GRIN3A: variants seen among roughly 807,000 people sequenced by gnomAD.
GRIN3A encodes the protein glutamate receptor ionotropic, NMDA 3A.
A neutral mutation model predicts 92.4 loss-of-function variants in GRIN3A; 47 were observed. The observed-to-expected ratio is 0.51, with a 90% CI of 0.40 to 0.65. The LOEUF (loss-of-function observed/expected upper bound fraction) is 0.65. Ranked by LOEUF, GRIN3A falls within the 30% of genes least tolerant of loss-of-function variation. The probability of loss-of-function intolerance (pLI) is 0.00; values close to 1 mark genes in which losing one functional copy is unlikely to be tolerated. For missense variants in GRIN3A, 1,324 were observed against 1,393.1 expected (o/e 0.95, Z 0.79); for synonymous variants, 527 against 540.6 (o/e 0.97, Z 0.35).
chr9:101,701,238 G>T (rs1829748090), intron 1 of GRIN3A, among the ~76,000 whole-genome samples: 1 of 152,080 alleles, frequency 6.6e-6, no homozygotes, highest in Non-Finnish European at 1.5e-5. Context: ...TTAGGTTCAG[G>T]GCTACATGTG....
chr9:101,596,809 A>AT (rs1331413280), intron 6 of GRIN3A, among the ~76,000 whole-genome samples: 2 of 152,240 alleles, frequency 1.3e-5, no homozygotes, highest in African/African-American at 2.4e-5. Flanking sequence ...GAAGAGCTGA[A>AT]TGATTCAGTC....
chr9:101,648,857 TG>T (rs1185875398), intron 3 of GRIN3A, among the ~76,000 whole-genome samples: 1 of 151,998 alleles, frequency 6.6e-6, no homozygotes, highest in East Asian at 1.9e-4. Context: ...TGTTGTTTGG[TG>T]GTGTTAGAAC....
intron 3 of GRIN3A, among the ~76,000 whole-genome samples, chr9:101,651,449 C>G (rs10989581): frequency 1.3e-5 from 2 of 151,654 alleles, no homozygotes; most frequent in Admixed American, 1.3e-4. Flanking sequence ...ACTAACATAC[C>G]TTTTTGATAC....
At chr9:101,658,806 A>G (rs961592498) in intron 3 of GRIN3A, among the ~76,000 whole-genome samples, 1 of 144,374 alleles carries the variant, frequency 6.9e-6, no homozygotes, top group Admixed American at 6.9e-5. Context: ...AATTGGCTGG[A>G]GTAGGCTTGT....
intron 6 of GRIN3A, among the ~76,000 whole-genome samples, chr9:101,580,278 T>C (rs1827871917): frequency 6.6e-6 from 1 of 152,172 alleles, no homozygotes; most frequent in Admixed American, 6.5e-5. Flanking sequence ...CAACCCTTTA[T>C]GAGAACTAAA....
Position 101,623,423 on chromosome 9 carries a change from CT to C in GRIN3A, c.2508del (p.Glu837ArgfsTer3). On this transcript the variant is annotated frameshift_variant, in exon 5 of 9. Transcript: ENST00000361820. LOFTEE classifies it high-confidence loss of function. ...TCCATGATGAAGGCGTCTAGTTTCT[CT>C]GGATCATTCCTATATTTAAGACCAG... ...PDGVEYLKND[P>X]EKLDAFIMDK... 1.9e-6 allele frequency: 3 copies of C among 1,601,558 alleles called. No individual in the cohort carries two copies. Among genetic ancestry groups the C allele is most frequent in the Non-Finnish European group, 2.6e-6 (3 of 1,168,542 alleles).
In GRIN3A at chr9:101,687,071, T is replaced by C. The variant is rs746524727; in HGVS notation, c.829A>G (p.Thr277Ala). 6.2e-7 allele frequency: 1 copy of C among 1,614,058 alleles called. No individual in the cohort carries two copies. The highest frequency in any genetic ancestry group is 1.3e-5 in the African/African-American group (1 of 74,920). ...TTCTGGGTAAGGAGGAGGAAGTCGGTGATGTTCCAGTCTTCCTGGCACAGC... is the reference window on the plus strand; with the variant it reads ...TTCTGGGTAAGGAGGAGGAAGTCGGCGATGTTCCAGTCTTCCTGGCACAGC... Reference protein sequence around the residue: ...LLLCQEDWNITDFLLLTQNNS... With the variant: ...LLLCQEDWNIADFLLLTQNNS... Residue 277 changes from threonine to alanine, a missense_variant, in exon 2 of 9, where the codon ACC (threonine) becomes GCC (alanine). By Grantham distance (58) the Thr-to-Ala change is moderately conservative. Coordinates refer to ENST00000361820, the MANE Select transcript of GRIN3A (RefSeq NM_133445.3).
chr9:101,677,623 C>A (rs552280898), intron 2 of GRIN3A, among the ~76,000 whole-genome samples: 30 of 152,040 alleles, frequency 2.0e-4, no homozygotes, highest in African/African-American at 3.9e-4. Context: ...CCCTAGGGAA[C>A]CTTTCTGTAC....
intron 3 of GRIN3A, among the ~76,000 whole-genome samples, chr9:101,663,080 G>A (rs16920640): frequency 0.13 from 20,253 of 151,634 alleles, 1,973 homozygotes; most frequent in African/African-American, 0.28. Context: ...TAGTTGATGA[G>A]ACAGTTGCAC....
intron 1 of GRIN3A, among the ~76,000 whole-genome samples, chr9:101,723,976 G>A (rs143859020): frequency 0.018 from 2,773 of 152,198 alleles, 93 homozygotes; most frequent in African/African-American, 0.063. Context: ...GGTGCTTATT[G>A]GTGTATTTAC....
At chr9:101,709,150 T>C (rs1181454722) in intron 1 of GRIN3A, among the ~76,000 whole-genome samples, 1 of 152,156 alleles carries the variant, frequency 6.6e-6, no homozygotes, top group African/African-American at 2.4e-5. Flanking sequence ...ATGAGATGCT[T>C]ACCCATTTCT....
chr9:101,703,235 CT>C (rs1186066236), intron 1 of GRIN3A, among the ~76,000 whole-genome samples: 2 of 152,196 alleles, frequency 1.3e-5, no homozygotes, highest in Non-Finnish European at 2.9e-5. Context: ...TCTGGCCTTG[CT>C]TACTGTTCTC....
chr9:101,614,358 A>C (rs976712091), intron 5 of GRIN3A, among the ~76,000 whole-genome samples: 1 of 152,202 alleles, frequency 6.6e-6, no homozygotes, highest in Non-Finnish European at 1.5e-5. Context: ...GAAACAACCC[A>C]AATGTTCTTT....
chr9:101,685,757 T>TAA (rs950731355), intron 2 of GRIN3A, among the ~76,000 whole-genome samples: 13 of 151,236 alleles, frequency 8.6e-5, no homozygotes, highest in African/African-American at 3.1e-4. Flanking sequence ...TATATATATA[T>TAA]AATACTCTTA....
intron 5 of GRIN3A, 74 bp downstream of exon 5, chr9:101,623,244 G>A: frequency 2.1e-6 from 2 of 951,570 alleles, no homozygotes; most frequent in Non-Finnish European, 3.5e-6. Flanking sequence ...TCTGACTTTG[G>A]CATTTGTGAC....
intron 3 of GRIN3A, among the ~76,000 whole-genome samples, chr9:101,656,495 G>A (rs559866269): frequency 6.6e-6 from 1 of 151,958 alleles, no homozygotes; most frequent in Admixed American, 6.6e-5. Flanking sequence ...ATAAGAGTGG[G>A]GCCAGCAGCA....
At position 101,606,906 on chromosome 9, in the gene GRIN3A, A is replaced by ATTTTTTTTTT. The variant is rs536780165; in HGVS notation, c.2766+6460_2766+6469dup. Among the ~76,000 whole-genome samples, 52 of 86,206 alleles carry ATTTTTTTTTT rather than the reference A, an allele frequency of 6.0e-4. 1 individual carries two copies. The highest frequency in any genetic ancestry group is 7.4e-4 in the Non-Finnish European group (34 of 45,990). The allele number at this position is 86,206 out of a possible 152,430, so 56.6% of individuals were successfully genotyped here. On this transcript the variant is annotated intron_variant, in intron 6 of 8. Transcript: ENST00000361820. ...CACTTGGGGAGTTGAAAAAAATTAC[A>ATTTTTTTTTT]TTTTTTTTTTTTTTTTTTTTTTTTG...
intron 1 of GRIN3A, among the ~76,000 whole-genome samples, chr9:101,694,620 T>C (rs1829658360): frequency 6.6e-6 from 1 of 152,180 alleles, no homozygotes; most frequent in Admixed American, 6.6e-5. Context: ...GACTCACTCA[T>C]TCTCTGGGTC....
rs909724932 is a variant in GRIN3A, at chr9:101,578,866, G to A, written c.2931+330C>T. ...ACTCACGTAATAGGTTTCAATTTTG[G>A]CAAGAAAAGAACCTAGGAAATAAAT... On this transcript the variant is annotated intron_variant, in intron 7 of 8. Coordinates refer to ENST00000361820, the MANE Select transcript of GRIN3A (RefSeq NM_133445.3). Among the ~76,000 whole-genome samples, 44 of 152,082 alleles carry A rather than the reference G, an allele frequency of 2.9e-4. 1 individual carries two copies. Among genetic ancestry groups the A allele is most frequent in the South Asian group, 2.1e-4 (1 of 4,826 alleles).
Sources: allele counts gnomAD v4.1 joint callset (sites outside exome capture counted in the v4.1 genomes callset), GRCh38; gene constraint gnomAD v4.1.1; transcripts MANE v1.5; gene names NCBI Gene and HGNC (gene_info 2026-07-23, HGNC 2026-07-21).